The following ARHGAP42 variants were observed in gnomAD, a reference collection of about 807,000 sequenced individuals.
ARHGAP42 encodes Rho GTPase activating protein 42.
Under a neutral mutation model 125.0 loss-of-function variants are expected in ARHGAP42, and 63 were observed. That is an observed-to-expected ratio of 0.50 (90% CI 0.41 to 0.62). The LOEUF (loss-of-function observed/expected upper bound fraction) is 0.62. Among genes scored for constraint, ARHGAP42 ranks in the 20% least tolerant of loss-of-function variants. The probability of loss-of-function intolerance (pLI) is 0.00; values close to 1 mark genes in which losing one functional copy is unlikely to be tolerated. For synonymous variants in ARHGAP42, 339 were observed against 351.0 expected, an observed-to-expected ratio of 0.97 and a Z score of 0.38; for missense variants, 766 against 1,024.2, an observed-to-expected ratio of 0.75 and a Z score of 3.44.
intron 3 of ARHGAP42, among the ~76,000 whole-genome samples, chr11:100,811,801 G>A (rs567279926): frequency 2.5e-4 from 38 of 151,862 alleles, no homozygotes; most frequent in South Asian, 6.3e-4. Flanking sequence ...AGCCCAGCCC[G>A]GATGTCTTGA....
At chr11:100,771,857 C>CCCAAT (rs1565207272) in intron 2 of ARHGAP42, among the ~76,000 whole-genome samples, 1 of 152,116 alleles carries the variant, frequency 6.6e-6, no homozygotes, top group Non-Finnish European at 1.5e-5. Context: ...GCCTTGGCCT[C>CCCAAT]CCAAAGTGCT....
chr11:100,939,038 A>G (rs1379632417), intron 8 of ARHGAP42, among the ~76,000 whole-genome samples: 2 of 152,176 alleles, frequency 1.3e-5, no homozygotes, highest in Admixed American at 6.6e-5. Flanking sequence ...GATGGATGTG[A>G]TGGGGTAGGC....
intron 1 of ARHGAP42, among the ~76,000 whole-genome samples, chr11:100,743,073 T>G (rs1862222756): frequency 6.6e-6 from 1 of 152,196 alleles, no homozygotes; most frequent in Non-Finnish European, 1.5e-5. Context: ...ATATTCAATA[T>G]AAATATTGGG....
At chr11:100,832,499 C>T (rs1212286855) in intron 3 of ARHGAP42, among the ~76,000 whole-genome samples, 1 of 152,180 alleles carries the variant, frequency 6.6e-6, no homozygotes, top group Non-Finnish European at 1.5e-5. Context: ...AGCTTCCTAA[C>T]TTATACACAA....
intron 1 of ARHGAP42, among the ~76,000 whole-genome samples, chr11:100,699,484 A>G (rs958194818): frequency 8.6e-4 from 19 of 22,200 alleles, no homozygotes; most frequent in African/African-American, 3.0e-3. Flanking sequence ...ATTCATGTAT[A>G]TATATATATA....
At chr11:100,819,935 G>A (rs570245430) in intron 3 of ARHGAP42, among the ~76,000 whole-genome samples, 12 of 152,110 alleles carry the variant, frequency 7.9e-5, no homozygotes, top group Non-Finnish European at 1.3e-4. Context: ...TTCATCATTG[G>A]CATTTCCCAT....
intron 12 of ARHGAP42, among the ~76,000 whole-genome samples, chr11:100,951,685 T>C (rs1213892445): frequency 2.0e-5 from 3 of 152,222 alleles, no homozygotes; most frequent in Admixed American, 6.5e-5. Flanking sequence ...GTCTGCATCT[T>C]CATGCAGTAC....
chr11:100,731,586 G>A (rs1285337503), intron 1 of ARHGAP42, among the ~76,000 whole-genome samples: 1 of 152,310 alleles, frequency 6.6e-6, no homozygotes, highest in South Asian at 2.1e-4. Context: ...TCTGGGAATT[G>A]GGTTCTTTAA....
At chr11:100,811,830 CTG>C (rs1030699277) in intron 3 of ARHGAP42, among the ~76,000 whole-genome samples, 4 of 152,144 alleles carry the variant, frequency 2.6e-5, no homozygotes, top group African/African-American at 9.7e-5. Context: ...TCTTCTGTGA[CTG>C]TATACTTTGC....
At chr11:100,895,108 A>T (rs930078532) in intron 4 of ARHGAP42, among the ~76,000 whole-genome samples, 3 of 152,228 alleles carry the variant, frequency 2.0e-5, no homozygotes, top group Admixed American at 1.3e-4. Flanking sequence ...TTCTTACATG[A>T]TAGAGAGGAG....
At chr11:100,743,276 C>T (rs377454227) in intron 1 of ARHGAP42, among the ~76,000 whole-genome samples, 1 of 152,120 alleles carries the variant, frequency 6.6e-6, no homozygotes, top group African/African-American at 2.4e-5. Context: ...GACAAATTCT[C>T]CCCACATTTG....
At chr11:100,831,399 A>T (rs1864660490) in intron 3 of ARHGAP42, among the ~76,000 whole-genome samples, 2 of 152,240 alleles carry the variant, frequency 1.3e-5, no homozygotes, top group South Asian at 4.1e-4. Context: ...AAAAACACGG[A>T]ACTGACTTAA....
chr11:100,738,698 T>TATA (rs771558426), intron 1 of ARHGAP42, among the ~76,000 whole-genome samples: 2 of 152,230 alleles, frequency 1.3e-5, no homozygotes, highest in Non-Finnish European at 2.9e-5. Context: ...GAAGTACTAT[T>TATA]GCTGCTGACT....
At chr11:100,717,273 T>C (rs930149880) in intron 1 of ARHGAP42, among the ~76,000 whole-genome samples, 2 of 152,186 alleles carry the variant, frequency 1.3e-5, no homozygotes, top group Non-Finnish European at 2.9e-5. Context: ...CAGTGGTTTG[T>C]GACCCTAGAG....
At chr11:100,912,611 T>C (rs534416733) in intron 4 of ARHGAP42, among the ~76,000 whole-genome samples, 2 of 152,178 alleles carry the variant, frequency 1.3e-5, no homozygotes, top group Non-Finnish European at 2.9e-5. Context: ...AAAAGACATA[T>C]CTGGTGGATA....
chr11:100,934,141 G>A (rs956002022), intron 7 of ARHGAP42, among the ~76,000 whole-genome samples: 1 of 152,096 alleles, frequency 6.6e-6, no homozygotes, highest in African/African-American at 2.4e-5. Context: ...ATGAAGGATT[G>A]TACTTTAATA....
chr11:100,884,302 TTTG>T (rs1369649377), intron 4 of ARHGAP42, among the ~76,000 whole-genome samples: 3 of 152,100 alleles, frequency 2.0e-5, no homozygotes, highest in Middle Eastern at 3.2e-3. Flanking sequence ...ATAAAGTATT[TTTG>T]TTGTTGTTGT....
intron 4 of ARHGAP42, among the ~76,000 whole-genome samples, chr11:100,864,505 A>G (rs1865521719): frequency 6.6e-6 from 1 of 152,112 alleles, no homozygotes; most frequent in South Asian, 2.1e-4. Flanking sequence ...CTAATCAAAG[A>G]TAATACACTG....
At chr11:100,696,999 G>A (rs1861294951) in intron 1 of ARHGAP42, among the ~76,000 whole-genome samples, 2 of 151,768 alleles carry the variant, frequency 1.3e-5, no homozygotes, top group South Asian at 4.1e-4. Flanking sequence ...GTCAATGTCA[G>A]GTAACATGTA....
Sources: gnomAD v4.1 joint callset for allele counts (sites outside exome capture counted in the v4.1 genomes callset) on GRCh38, gnomAD v4.1.1 for gene constraint, MANE v1.5 for transcripts, NCBI Gene and HGNC (gene_info 2026-07-23, HGNC 2026-07-21) for gene names.